Variants in NRG1 observed in about 807,000 individuals in gnomAD.
The protein encoded by NRG1 is neuregulin 1.
A neutral mutation model predicts 63.8 loss-of-function variants in NRG1; 18 were observed. That is an observed-to-expected ratio of 0.28 (90% CI 0.19 to 0.42). The LOEUF is 0.42. NRG1 is among the 10% of genes least tolerant of loss of function. The pLI, the probability that NRG1 is intolerant of heterozygous loss-of-function variation, is 1.00. For missense variants in NRG1, 762 were observed against 814.7 expected (o/e 0.94, Z 0.79); for synonymous variants, 302 against 301.3 (o/e 1.00, Z -0.02).
At chr8:32,001,892 C>T (rs1812991003) in intron 1 of NRG1, among the ~76,000 whole-genome samples, 1 of 152,022 alleles carries the variant, frequency 6.6e-6, no homozygotes, top group Non-Finnish European at 1.5e-5. Flanking sequence ...TCAGATTACT[C>T]CGCCTGAACA....
At chr8:32,144,194 A>C (rs1161699621) in intron 1 of NRG1, among the ~76,000 whole-genome samples, 1 of 152,212 alleles carries the variant, frequency 6.6e-6, no homozygotes, top group Non-Finnish European at 1.5e-5. Context: ...GATCTGCTGG[A>C]AGCTTCTTCA....
chr8:32,361,985 G>C (rs1807274946), intron 1 of NRG1, among the ~76,000 whole-genome samples: 1 of 152,088 alleles, frequency 6.6e-6, no homozygotes, highest in South Asian at 2.1e-4. Context: ...ACTCCCATGA[G>C]CTCTCCAGAG....
chr8:31,958,663 GA>G (rs1804885226), intron 1 of NRG1, among the ~76,000 whole-genome samples: 1 of 152,204 alleles, frequency 6.6e-6, no homozygotes, highest in South Asian at 2.1e-4. Flanking sequence ...CTTTGCAGAA[GA>G]GGGAAATGAG....
chr8:32,632,990 A>C (rs1481916143), intron 5 of NRG1, among the ~76,000 whole-genome samples: 2 of 152,160 alleles, frequency 1.3e-5, no homozygotes, highest in Non-Finnish European at 2.9e-5. Flanking sequence ...ATAAGCAACA[A>C]ATTTTTAAAT....
chr8:32,511,403 AAAAT>A (rs1829210510), intron 1 of NRG1, among the ~76,000 whole-genome samples: 1 of 144,828 alleles, frequency 6.9e-6, no homozygotes, highest in Non-Finnish European at 1.5e-5. Flanking sequence ...ATATATAAAT[AAAAT>A]AAATAGGTAA....
intron 1 of NRG1, among the ~76,000 whole-genome samples, chr8:32,116,971 CAAAAAAAAAAAAAA>C (rs756283492): frequency 3.2e-5 from 1 of 31,548 alleles, no homozygotes; most frequent in Non-Finnish European, 8.1e-5. Flanking sequence ...CCTGTCTCTA[CAAAAAAAAAAAAAA>C]AAAAAAAAAA....
chr8:32,183,537 C>T (rs1006788962), intron 1 of NRG1, among the ~76,000 whole-genome samples: 8 of 152,130 alleles, frequency 5.3e-5, no homozygotes, highest in African/African-American at 1.9e-4. Flanking sequence ...AACAAGTGAA[C>T]GTTCAGCATT....
rs16878359 is a variant in NRG1, at chr8:31,850,536, C to G, written c.37+211105C>G. 3.5e-3 allele frequency among the ~76,000 whole-genome samples: 532 copies of G among 152,242 alleles called. 5 individuals carry two copies. Among genetic ancestry groups the G allele is most frequent in the African/African-American group, 0.012 (516 of 41,542 alleles). On this transcript the variant is annotated intron_variant, in intron 1 of 10. Coordinates refer to the NRG1 transcript ENST00000519301. ...GGCTACACAAATGGATGTCTCTGTT[C>G]AGCCTTATTTATCCACAGTTTTTCC...
At chr8:32,692,100 T>C (rs569030851) in intron 5 of NRG1, among the ~76,000 whole-genome samples, 16 of 152,212 alleles carry the variant, frequency 1.1e-4, no homozygotes, top group South Asian at 2.1e-4. Flanking sequence ...AATTCTAATA[T>C]GCATAATGAC....
chr8:31,902,899 A>G (rs1167802091), intron 1 of NRG1, among the ~76,000 whole-genome samples: 1 of 152,230 alleles, frequency 6.6e-6, no homozygotes, highest in Non-Finnish European at 1.5e-5. Flanking sequence ...TTCGTCCAAT[A>G]GAACGTAACA....
chr8:32,206,015 G>A (rs1051922516), intron 1 of NRG1, among the ~76,000 whole-genome samples: 23 of 152,022 alleles, frequency 1.5e-4, no homozygotes, highest in African/African-American at 5.3e-4. Flanking sequence ...GCTGAGGTGG[G>A]AGAATCCCTT....
At chr8:32,104,805 G>T (rs1831047424) in intron 1 of NRG1, among the ~76,000 whole-genome samples, 1 of 152,064 alleles carries the variant, frequency 6.6e-6, no homozygotes, top group Admixed American at 6.6e-5. Flanking sequence ...CTACTGGAAG[G>T]TCTTCAGGGT....
chr8:32,141,636 T>A (rs1585610394), intron 1 of NRG1, among the ~76,000 whole-genome samples: 1 of 116,542 alleles, frequency 8.6e-6, no homozygotes, highest in East Asian at 2.5e-4. Flanking sequence ...ATATGAATGA[T>A]GCATGGAGAG....
chr8:32,756,843 G>T (rs1279987311), intron 9 of NRG1, among the ~76,000 whole-genome samples: 1 of 152,114 alleles, frequency 6.6e-6, no homozygotes, highest in East Asian at 1.9e-4. Flanking sequence ...TTAATAGTAC[G>T]ATAATCAAAA....
intron 1 of NRG1, among the ~76,000 whole-genome samples, chr8:31,964,207 A>G (rs1463286687): frequency 5.9e-5 from 9 of 152,212 alleles, no homozygotes. Context: ...AGAAAGTCCA[A>G]TAGGGTAGGA....
At chr8:32,607,720 G>A (rs949054250) in intron 3 of NRG1, among the ~76,000 whole-genome samples, 3 of 152,094 alleles carry the variant, frequency 2.0e-5, no homozygotes, top group African/African-American at 7.2e-5. Flanking sequence ...ATGTAGTGTT[G>A]ACCAATTATA....
At chr8:32,487,633 G>GC (rs1826064916) in intron 1 of NRG1, among the ~76,000 whole-genome samples, 1 of 152,172 alleles carries the variant, frequency 6.6e-6, no homozygotes, top group African/African-American at 2.4e-5. Context: ...GCTTGAGACC[G>GC]CATCTGTATG....
chr8:32,404,060 G>A (rs984665892), intron 1 of NRG1, among the ~76,000 whole-genome samples: 1 of 152,204 alleles, frequency 6.6e-6, no homozygotes, highest in Non-Finnish European at 1.5e-5. Context: ...AATGGTGATA[G>A]CAGATTTTGG....
chr8:31,855,117 G>A (rs1237878753), intron 1 of NRG1, among the ~76,000 whole-genome samples: 1 of 151,978 alleles, frequency 6.6e-6, no homozygotes, highest in Non-Finnish European at 1.5e-5. Context: ...TTCTGTAGAT[G>A]TCTATTAGGT....
Sources: allele counts gnomAD v4.1 joint callset (sites outside exome capture counted in the v4.1 genomes callset), GRCh38; gene constraint gnomAD v4.1.1; transcripts MANE v1.5; gene names NCBI Gene and HGNC (gene_info 2026-07-23, HGNC 2026-07-21).